ZSWIM6: variants seen among roughly 807,000 people sequenced by gnomAD.
The protein encoded by ZSWIM6 is zinc finger SWIM domain-containing protein 6.
A neutral mutation model predicts 113.2 loss-of-function variants in ZSWIM6; 9 were observed. The observed-to-expected ratio is 0.08, with a 90% CI of 0.05 to 0.14. ZSWIM6 has a LOEUF of 0.14. Among genes scored for constraint, ZSWIM6 ranks in the 10% least tolerant of loss-of-function variants. The probability of loss-of-function intolerance (pLI) is 1.00; values close to 1 mark genes in which losing one functional copy is unlikely to be tolerated. For synonymous variants in ZSWIM6, 611 were observed against 606.5 expected (o/e 1.01, Z -0.11); for missense variants, 1,162 against 1,552.2 (o/e 0.75, Z 4.22).
In ZSWIM6 at chr5:61,339,654, G is replaced by A. The variant is rs962324369; in HGVS notation, c.676+6706G>A. On this transcript the variant is annotated intron_variant, in intron 1 of 13. Transcript: ENST00000252744. ...TTAAGAGCACAAATATCCTAAAAATGAAAGATTATAGGTAACTATAAATAT... is the reference window on the plus strand; with the variant it reads ...TTAAGAGCACAAATATCCTAAAAATAAAAGATTATAGGTAACTATAAATAT... Among the ~76,000 whole-genome samples the A allele has an allele frequency of 2.6e-5, 4 of 152,268 alleles. No homozygotes were observed. In the East Asian group the frequency reaches 7.7e-4, roughly 29 times the overall value.
intron 1 of ZSWIM6, among the ~76,000 whole-genome samples, chr5:61,343,743 A>G (rs528799265): frequency 6.6e-6 from 1 of 152,358 alleles, no homozygotes; most frequent in East Asian, 1.9e-4. Flanking sequence ...GTCATAAAAT[A>G]AGATTCTAAA....
At chr5:61,338,191 G>A (rs1223952551) in intron 1 of ZSWIM6, among the ~76,000 whole-genome samples, 2 of 150,994 alleles carry the variant, frequency 1.3e-5, no homozygotes, top group African/African-American at 2.4e-5. Context: ...GGGTGGCAAA[G>A]CAGTAAAAGA....
chr5:61,535,475 T>G lies in ZSWIM6; in HGVS notation c.2246-9T>G. 6.4e-7 allele frequency: 1 copy of G among 1,551,182 alleles called. No individual in the cohort carries two copies. Among genetic ancestry groups the G allele is most frequent in the Non-Finnish European group, 8.7e-7 (1 of 1,146,564 alleles). ...AGGAACGTAAAATGTGTATGCTCTC[T>G]TCCCACAGCCGGACCATATAGTGGT... is the stretch of plus-strand genomic sequence containing the variant. On this transcript the variant is annotated splice_polypyrimidine_tract_variant and intron_variant, in intron 9 of 13. Transcript: ENST00000252744.
intron 1 of ZSWIM6, among the ~76,000 whole-genome samples, chr5:61,387,473 G>A: frequency 6.6e-6 from 1 of 152,156 alleles, no homozygotes; most frequent in East Asian, 1.9e-4. Context: ...AGACCAGCCT[G>A]GGCAATGTGG....
intron 1 of ZSWIM6, among the ~76,000 whole-genome samples, chr5:61,413,299 T>C (rs1164668098): frequency 6.6e-6 from 1 of 151,782 alleles, no homozygotes; most frequent in Non-Finnish European, 1.5e-5. Flanking sequence ...TGCAATAGTT[T>C]ACTGAGAATG....
intron 1 of ZSWIM6, among the ~76,000 whole-genome samples, chr5:61,363,898 C>CTCCTTCCT (rs1402071169): frequency 7.4e-6 from 1 of 135,064 alleles, no homozygotes; most frequent in African/African-American, 2.8e-5. Flanking sequence ...CCCTCCTTCC[C>CTCCTTCCT]TCCTTCCTTC....
rs546202433 is a variant in ZSWIM6 at position 61,530,219 on chromosome 5, C to T, written c.1984+21C>T. ...TACAGGTAAAACCATTGACATTTGT[C>T]TCATGTGCTTTTCTTTTTCTAAACC... On this transcript the variant is annotated intron_variant, in intron 8 of 13. Transcript: ENST00000252744. 2.6e-6 allele frequency: 4 copies of T among 1,532,778 alleles called. No homozygotes were observed. In the South Asian group the frequency reaches 3.6e-5, roughly 14 times the overall value. 94.9% of individuals were successfully genotyped at this position (1,532,778 alleles called of 1,614,324 possible). A position where few individuals can be genotyped will look rare whatever the true frequency, so the allele number is the denominator to read the frequency against.
At position 61,472,067 on chromosome 5, in the gene ZSWIM6, C is replaced by G. The variant is rs756043778; in HGVS notation, c.677-614C>G. The stretch of plus-strand genomic sequence containing the variant: ...TTGGTGGGCCTTGCAATTCTATAAG[C>G]AGTTGCTGCTCATAGACATTGCTGT... On this transcript the variant is annotated intron_variant, in intron 1 of 13. Coordinates refer to ENST00000252744, the MANE Select transcript of ZSWIM6 (RefSeq NM_020928.2). The surrounding 1 kb of genome is among the most constrained non-coding windows in gnomAD (Gnocchi z 4.1). Among the ~76,000 whole-genome samples the G allele has an allele frequency of 1.3e-5, 2 of 152,086 alleles. No individual in the cohort carries two copies. Among genetic ancestry groups the G allele is most frequent in the Admixed American group, 1.3e-4 (2 of 15,272 alleles).
At chr5:61,421,457 G>A (rs374788593) in intron 1 of ZSWIM6, among the ~76,000 whole-genome samples, 22 of 152,068 alleles carry the variant, frequency 1.4e-4, no homozygotes, top group South Asian at 2.1e-4. Context: ...TTTCATGGCT[G>A]TATAGTATTC....
intron 2 of ZSWIM6, among the ~76,000 whole-genome samples, chr5:61,481,689 G>A (rs963987684): frequency 1.3e-5 from 2 of 151,904 alleles, no homozygotes; most frequent in African/African-American, 4.8e-5. Context: ...GACAGGGGAC[G>A]CCAAAGACTT....
chr5:61,544,322 T>C lies in ZSWIM6; in HGVS notation c.*5T>C. 1.4e-6 allele frequency: 1 copy of C among 700,984 alleles called. No individual in the cohort carries two copies. Among genetic ancestry groups the C allele is most frequent in the Non-Finnish European group, 2.0e-6 (1 of 495,430 alleles). The allele number at this position is 700,984 out of a possible 1,614,324, so 43.4% of individuals were successfully genotyped here. A position where few individuals can be genotyped will look rare whatever the true frequency, so the allele number is the denominator to read the frequency against. Reference sequence around the variant, plus strand: ...GTTCGGGAGAGGTTTGGTTGATAGATCTTGTATGAATGGGGTGGGGGGTGG... The same window carrying C: ...GTTCGGGAGAGGTTTGGTTGATAGACCTTGTATGAATGGGGTGGGGGGTGG... On this transcript the variant is annotated 3_prime_UTR_variant, in exon 14 of 14. Transcript: ENST00000252744.
At chr5:61,539,002 T>A (rs1749657685) in intron 11 of ZSWIM6, 31 bp downstream of exon 11, 1 of 1,463,550 alleles carries the variant, frequency 6.8e-7, no homozygotes, top group African/African-American at 1.4e-5. Context: ...CTCATAATTG[T>A]TTCATTCGTT....
intron 1 of ZSWIM6, among the ~76,000 whole-genome samples, chr5:61,432,483 T>C (rs778599246): frequency 6.6e-6 from 1 of 152,248 alleles, no homozygotes; most frequent in Non-Finnish European, 1.5e-5. Context: ...GAATGACTAC[T>C]GCACTGGGCA....
chr5:61,447,257 A>G (rs1230675160), intron 1 of ZSWIM6, among the ~76,000 whole-genome samples: 1 of 152,184 alleles, frequency 6.6e-6, no homozygotes, highest in African/African-American at 2.4e-5. Context: ...TATTAAAAAA[A>G]AGTCAGTTTA....
At chr5:61,475,068 C>T (rs1286325120) in intron 2 of ZSWIM6, among the ~76,000 whole-genome samples, 2 of 152,224 alleles carry the variant, frequency 1.3e-5, no homozygotes, top group Non-Finnish European at 2.9e-5. Context: ...TGCCTCAAAT[C>T]TTGCTGCCGT....
chr5:61,373,060 T>C (rs1015799304), intron 1 of ZSWIM6, among the ~76,000 whole-genome samples: 14 of 152,152 alleles, frequency 9.2e-5, no homozygotes, highest in Admixed American at 3.3e-4. Flanking sequence ...ACCACTATTA[T>C]CAGTTTGGTT....
intron 1 of ZSWIM6, among the ~76,000 whole-genome samples, chr5:61,450,253 G>A (rs1489081606): frequency 6.6e-6 from 1 of 152,092 alleles, no homozygotes; most frequent in African/African-American, 2.4e-5. Flanking sequence ...AGGAAAGGTA[G>A]GAAGAAGAAT....
chr5:61,377,961 A>C (rs1745405409), intron 1 of ZSWIM6, among the ~76,000 whole-genome samples: 1 of 152,246 alleles, frequency 6.6e-6, no homozygotes, highest in Admixed American at 6.5e-5. Context: ...ACTACACCAG[A>C]TGCCATTTTT....
At chr5:61,466,842 A>G (rs1176833421) in intron 1 of ZSWIM6, among the ~76,000 whole-genome samples, 2 of 152,174 alleles carry the variant, frequency 1.3e-5, no homozygotes, top group East Asian at 1.9e-4. Context: ...CTAAAATTTA[A>G]CCTAAGATAT....
Sources: gnomAD v4.1 joint callset for allele counts (sites outside exome capture counted in the v4.1 genomes callset) on GRCh38, gnomAD v4.1.1 for gene constraint, Gnocchi (gnomAD v3.1) non-coding constraint, MANE v1.5 for transcripts, NCBI Gene and HGNC (gene_info 2026-07-23, HGNC 2026-07-21) for gene names.